Variants in CGNL1 observed in about 807,000 individuals in gnomAD.
CGNL1 encodes the protein cingulin-like protein 1.
Under a neutral mutation model 141.2 loss-of-function variants are expected in CGNL1, and 132 were observed. The ratio of observed to expected loss-of-function variants is 0.93; its 90% confidence interval spans 0.81 to 1.08. CGNL1 has a LOEUF of 1.08. Among genes scored for constraint, CGNL1 ranks in the 50% least tolerant of loss-of-function variants. CGNL1 has a pLI of 0.00. For missense variants in CGNL1, 1,870 were observed against 1,588.6 expected (o/e 1.18, Z -3.01); for synonymous variants, 690 against 622.1 (o/e 1.11, Z -1.63).
intron 8 of CGNL1, among the ~76,000 whole-genome samples, chr15:57,470,657 C>T (rs542023048): frequency 6.6e-6 from 1 of 152,250 alleles, no homozygotes; most frequent in Non-Finnish European, 1.5e-5. Context: ...CCATCAAATG[C>T]CTGAGTGTGT....
intron 8 of CGNL1, among the ~76,000 whole-genome samples, chr15:57,489,980 G>T (rs1410788438): frequency 6.6e-6 from 1 of 152,122 alleles, no homozygotes; most frequent in Non-Finnish European, 1.5e-5. Context: ...TGGAGGTTGG[G>T]GAAGCATATT....
chr15:57,417,414 A>G (rs34894823), intron 1 of CGNL1, among the ~76,000 whole-genome samples: 8,906 of 152,040 alleles, frequency 0.059, 373 homozygotes, highest in Middle Eastern at 0.12. Context: ...TTGTATTTTT[A>G]GTAGAGATGG....
At chr15:57,386,591 G>T (rs1007163029) in intron 1 of CGNL1, among the ~76,000 whole-genome samples, 11 of 152,160 alleles carry the variant, frequency 7.2e-5, no homozygotes, top group Non-Finnish European at 1.2e-4. Flanking sequence ...CTCACAGGCT[G>T]CTCTGTGTAC....
chr15:57,439,539 T>A lies in CGNL1; in HGVS notation c.1540T>A (p.Ser514Thr). 6 of 1,614,140 alleles carry A rather than the reference T, an allele frequency of 3.7e-6. No individual in the cohort carries two copies. The highest frequency in any genetic ancestry group is 5.1e-6 in the Non-Finnish European group (6 of 1,180,026). Residue 514 changes from serine to threonine, a missense_variant, in exon 2 of 19, where the codon TCG becomes ACG. Physicochemically the swap from Ser to Thr is moderately conservative, Grantham distance 58. Coordinates refer to ENST00000281282, the MANE Select transcript of CGNL1 (RefSeq NM_032866.5). The stretch of plus-strand genomic sequence containing the variant: ...GTTACAGAACCGGGCAACAGCAACT[T>A]CGCCTGATTCTGGTGCCAAGAAAAT... Reference protein sequence around the residue: ...LMLQNRATATSPDSGAKKISV... With the variant: ...LMLQNRATATTPDSGAKKISV...
chr15:57,526,725 A>G (rs2140151848), intron 12 of CGNL1, among the ~76,000 whole-genome samples: 1 of 152,230 alleles, frequency 6.6e-6, no homozygotes, highest in Non-Finnish European at 1.5e-5. Flanking sequence ...ATGATTCAGG[A>G]TACATTGTTC....
At chr15:57,425,677 A>G (rs1479957613) in intron 1 of CGNL1, among the ~76,000 whole-genome samples, 1 of 147,176 alleles carries the variant, frequency 6.8e-6, no homozygotes, top group Admixed American at 7.0e-5. Flanking sequence ...GGAGATAGAG[A>G]TTGCAATGAG....
chr15:57,430,374 C>T (rs1320319556), intron 1 of CGNL1, among the ~76,000 whole-genome samples: 2 of 152,026 alleles, frequency 1.3e-5, no homozygotes, highest in Non-Finnish European at 2.9e-5. Flanking sequence ...TTTTAAGCCT[C>T]AAGAGGTGAA....
chr15:57,459,807 C>G (rs2063423458), intron 7 of CGNL1, among the ~76,000 whole-genome samples: 1 of 152,114 alleles, frequency 6.6e-6, no homozygotes, highest in South Asian at 2.1e-4. Flanking sequence ...GTGCTTTTCA[C>G]AAGAGCAAAG....
chr15:57,548,461 G>A lies in CGNL1; in HGVS notation c.*971G>A, dbSNP rs1205466361. 6.6e-6 allele frequency: 1 copy of A among 152,260 alleles called. No individual in the cohort carries two copies. Among genetic ancestry groups the A allele is most frequent in the Admixed American group, 6.5e-5 (1 of 15,282 alleles). The allele number at this position is 152,260 out of a possible 1,614,324, so 9.4% of individuals were successfully genotyped here. The stretch of plus-strand genomic sequence containing the variant: ...GTAGTGGTCATGGACAGCTAAGACT[G>A]AGCATAGCAGTTCACATGGTCTGGG... On this transcript the variant is annotated 3_prime_UTR_variant, in exon 19 of 19. Coordinates refer to ENST00000281282, the MANE Select transcript of CGNL1 (RefSeq NM_032866.5).
chr15:57,534,426 G>A (rs1217469406), intron 14 of CGNL1, among the ~76,000 whole-genome samples: 2 of 152,218 alleles, frequency 1.3e-5, no homozygotes, highest in South Asian at 2.1e-4. Flanking sequence ...GTGAGGGAGG[G>A]CAGAGAAATG....
chr15:57,454,839 G>A (rs1239855473), intron 7 of CGNL1, among the ~76,000 whole-genome samples: 1 of 151,270 alleles, frequency 6.6e-6, no homozygotes, highest in African/African-American at 2.4e-5. Context: ...GAGTTACAAA[G>A]ACAAGAAGAT....
intron 8 of CGNL1, among the ~76,000 whole-genome samples, chr15:57,486,118 A>G (rs1341852455): frequency 4.6e-5 from 7 of 152,110 alleles, no homozygotes; most frequent in Admixed American, 4.6e-4. Flanking sequence ...GACCTGTGGA[A>G]TCAGCTGCCT....
At chr15:57,381,085 T>A (rs1297038312) in intron 1 of CGNL1, among the ~76,000 whole-genome samples, 4 of 152,248 alleles carry the variant, frequency 2.6e-5, no homozygotes, top group Non-Finnish European at 5.9e-5. Flanking sequence ...ATAGGGCTAA[T>A]AACCTCATGG....
intron 8 of CGNL1, among the ~76,000 whole-genome samples, chr15:57,488,992 C>T (rs2063822415): frequency 6.6e-6 from 1 of 152,146 alleles, no homozygotes; most frequent in Admixed American, 6.5e-5. Context: ...TATAAGTGGG[C>T]CCAGTGCTGT....
intron 10 of CGNL1, among the ~76,000 whole-genome samples, chr15:57,521,750 C>T (rs1387575578): frequency 1.3e-5 from 2 of 152,048 alleles, no homozygotes; most frequent in African/African-American, 4.8e-5. Flanking sequence ...AGCAGAAATG[C>T]ATGCACGAAC....
chr15:57,423,624 A>C (rs1441279246), intron 1 of CGNL1, among the ~76,000 whole-genome samples: 3 of 152,140 alleles, frequency 2.0e-5, no homozygotes, highest in African/African-American at 7.2e-5. Flanking sequence ...TGCCTGCTTA[A>C]TGGTAGCCTT....
intron 14 of CGNL1, among the ~76,000 whole-genome samples, chr15:57,539,915 T>A (rs2032471968): frequency 6.6e-6 from 1 of 152,212 alleles, no homozygotes; most frequent in African/African-American, 2.4e-5. Flanking sequence ...ATGTTAACAC[T>A]GCCTACCTCA....
intron 1 of CGNL1, among the ~76,000 whole-genome samples, chr15:57,394,910 G>A (rs544875855): frequency 1.2e-4 from 18 of 152,284 alleles, no homozygotes; most frequent in South Asian, 8.3e-4. Context: ...TTAGGAGTTC[G>A]AGACCAGCCT....
At chr15:57,531,048 A>G (rs2031924607) in intron 13 of CGNL1, among the ~76,000 whole-genome samples, 1 of 152,252 alleles carries the variant, frequency 6.6e-6, no homozygotes, top group South Asian at 2.1e-4. Context: ...TTTTCTTCAT[A>G]CACAAAGCTG....
Sources: allele counts gnomAD v4.1 joint callset (sites outside exome capture counted in the v4.1 genomes callset), GRCh38; gene constraint gnomAD v4.1.1; transcripts MANE v1.5; gene names NCBI Gene and HGNC (gene_info 2026-07-23, HGNC 2026-07-21).